The following PFKFB3 variants were observed in gnomAD, a reference collection of about 807,000 sequenced individuals.
PFKFB3 encodes 6-phosphofructo-2-kinase/fructose-2,6-biphosphatase 3.
PFKFB3 carries 33 observed loss-of-function variants against 68.0 expected under a neutral mutation model. The ratio of observed to expected loss-of-function variants is 0.49; its 90% CI spans 0.37 to 0.65. The LOEUF is 0.65. PFKFB3 is among the 30% of genes least tolerant of loss of function. The pLI, the probability that PFKFB3 is intolerant of heterozygous loss-of-function variation, is 0.00. For synonymous variants in PFKFB3, 315 were observed against 288.2 expected (o/e 1.09, Z -0.94); for missense variants, 586 against 712.2 (o/e 0.82, Z 2.02).
chr10:6,175,067 G>C (rs180994695), intron 1 of PFKFB3, among the ~76,000 whole-genome samples: 1 of 152,138 alleles, frequency 6.6e-6, no homozygotes, highest in East Asian at 1.9e-4. Flanking sequence ...CCGTGCGTCT[G>C]CCTCCCACAG....
rs530133790 is a variant in PFKFB3 at position 6,220,099 on chromosome 10, A to G, written c.623+406A>G. Among the ~76,000 whole-genome samples the G allele has an allele frequency of 6.7e-5, 10 of 149,600 alleles. No individual in the cohort carries two copies. Among genetic ancestry groups the G allele is most frequent in the African/African-American group, 2.3e-4 (9 of 39,772 alleles). ...TATTTATTTATTTATTTACTTACTT[A>G]CTTGCTTGCCTGCTTGCTTAGAGAC... On this transcript the variant is annotated intron_variant, in intron 7 of 14. Transcript: ENST00000379775. This position sits in a 1 kb window ranked among gnomAD's most constrained non-coding sequence, Gnocchi z 4.1.
chr10:6,259,005 C>T (rs1288189937), downstream of PFKFB3, among the ~76,000 whole-genome samples: 2 of 152,212 alleles, frequency 1.3e-5, no homozygotes, highest in Non-Finnish European at 2.9e-5. Flanking sequence ...GAAGTATTTA[C>T]ACCCTTGGGG....
intron 1 of PFKFB3, among the ~76,000 whole-genome samples, chr10:6,184,926 G>A (rs583544): frequency 0.36 from 54,519 of 151,862 alleles, 10,877 homozygotes; most frequent in Non-Finnish European, 0.47. Context: ...GCTCTTACGT[G>A]CCACAGGTAT....
chr10:6,156,446 A>C (rs1263637937), intron 1 of PFKFB3, among the ~76,000 whole-genome samples: 23 of 149,286 alleles, frequency 1.5e-4, no homozygotes, highest in Admixed American at 1.5e-3. Context: ...ATGTGTCATC[A>C]CGTCCAGCCT....
the PFKFB3 span, among the ~76,000 whole-genome samples, chr10:6,311,011 A>G: frequency 6.6e-6 from 1 of 152,192 alleles, no homozygotes. Flanking sequence ...GAGAAAAAAA[A>G]CCCATGGAAT....
chr10:6,304,405 T>C, the PFKFB3 span, among the ~76,000 whole-genome samples: 14 of 151,252 alleles, frequency 9.3e-5, no homozygotes, highest in Non-Finnish European at 1.3e-4. Context: ...CTGTACAGCA[T>C]CACGTATCCC....
At chr10:6,282,648 T>C in the PFKFB3 span, among the ~76,000 whole-genome samples, 1 of 152,276 alleles carries the variant, frequency 6.6e-6, no homozygotes, top group African/African-American at 2.4e-5. Context: ...TAAAAGCTCC[T>C]TGAAACTCAT....
At chr10:6,321,874 C>T in the PFKFB3 span, among the ~76,000 whole-genome samples, 7 of 152,214 alleles carry the variant, frequency 4.6e-5, no homozygotes, top group Non-Finnish European at 1.0e-4. Flanking sequence ...TGCTCCTTCT[C>T]CTTTGCCGAT....
At chr10:6,261,465 G>A in the PFKFB3 span, among the ~76,000 whole-genome samples, 1 of 152,190 alleles carries the variant, frequency 6.6e-6, no homozygotes, top group Non-Finnish European at 1.5e-5. Context: ...CTTACAAGTG[G>A]GAGCTAAAAT....
intron 1 of PFKFB3, among the ~76,000 whole-genome samples, chr10:6,207,650 C>T (rs1156416111): frequency 6.6e-6 from 1 of 152,176 alleles, no homozygotes; most frequent in Admixed American, 6.5e-5. Flanking sequence ...AGACAAAGAA[C>T]AGTAAAACAA....
the PFKFB3 span, among the ~76,000 whole-genome samples, chr10:6,273,752 C>T: frequency 6.6e-6 from 1 of 152,106 alleles, no homozygotes; most frequent in African/African-American, 2.4e-5. Context: ...AATTTGGAGA[C>T]AGGCACATGC....
chr10:6,321,182 T>A, the PFKFB3 span, among the ~76,000 whole-genome samples: 1 of 152,166 alleles, frequency 6.6e-6, no homozygotes, highest in South Asian at 2.1e-4. Flanking sequence ...TCCCAGGAAG[T>A]AGAAGTAGGG....
At chr10:6,146,558 C>T (rs545336593) in intron 1 of PFKFB3, 47 of 1,456,786 alleles carry the variant, frequency 3.2e-5, no homozygotes, top group African/African-American at 4.2e-5. Context: ...TCCCTCCCCC[C>T]CTACTCATTA....
At chr10:6,213,892 T>C in intron 2 of PFKFB3, 144 bp downstream of exon 2, 1 of 814,176 alleles carries the variant, frequency 1.2e-6, no homozygotes, top group African/African-American at 1.7e-5. Context: ...TGCAGCTGGG[T>C]CCCCTTCACA....
At chr10:6,258,044 G>A (rs760294005), downstream of PFKFB3, among the ~76,000 whole-genome samples, 7 of 152,174 alleles carry the variant, frequency 4.6e-5, no homozygotes, top group South Asian at 2.1e-4. Context: ...AGGGACCGGC[G>A]GGTAGAAGCA....
At chr10:6,195,487 C>G (rs1843153001) in intron 1 of PFKFB3, among the ~76,000 whole-genome samples, 1 of 152,208 alleles carries the variant, frequency 6.6e-6, no homozygotes, top group Non-Finnish European at 1.5e-5. Context: ...GTTCAAGGGC[C>G]CCTGCAACCC....
intron 7 of PFKFB3, 113 bp downstream of exon 7, chr10:6,219,806 A>G: frequency 1.7e-6 from 2 of 1,188,266 alleles, no homozygotes; most frequent in Non-Finnish European, 2.4e-6. Context: ...TTTTTTTAAG[A>G]CAGTTTTTTT....
At chr10:6,236,007 T>G (rs1241010478), downstream of PFKFB3, among the ~76,000 whole-genome samples, 1 of 152,166 alleles carries the variant, frequency 6.6e-6, no homozygotes. Flanking sequence ...CCTCAGGTGA[T>G]CTGCCTGCGT....
At chr10:6,246,844 G>A (rs1846273841) in intron 14 of PFKFB3, among the ~76,000 whole-genome samples, 2 of 152,196 alleles carry the variant, frequency 1.3e-5, no homozygotes, top group Non-Finnish European at 1.5e-5. Context: ...TGTTCCCATC[G>A]TAAGCAGTTG....
Sources: allele counts gnomAD v4.1 joint callset (sites outside exome capture counted in the v4.1 genomes callset), GRCh38; gene constraint gnomAD v4.1.1; non-coding constraint Gnocchi (gnomAD v3.1); transcripts MANE v1.5; gene names NCBI Gene and HGNC (gene_info 2026-07-23, HGNC 2026-07-21).